Variants in TMC1 observed in about 807,000 individuals in gnomAD.
TMC1 encodes transmembrane channel like 1, also known as transmembrane channel-like protein 1.
TMC1 carries 84 observed loss-of-function variants against 105.8 expected under a neutral mutation model. The ratio of observed to expected loss-of-function variants is 0.79; its 90% CI spans 0.67 to 0.95. The LOEUF (loss-of-function observed/expected upper bound fraction) is 0.95. TMC1 is among the 40% of genes least tolerant of loss of function. TMC1 has a pLI of 0.00. For missense variants in TMC1, 817 were observed against 914.1 expected, an observed-to-expected ratio of 0.89 and a Z score of 1.37; for synonymous variants, 315 against 311.5, an observed-to-expected ratio of 1.01 and a Z score of -0.12.
chr9:72,719,660 C>T (rs1176421539), intron 8 of TMC1, among the ~76,000 whole-genome samples: 1 of 152,222 alleles, frequency 6.6e-6, no homozygotes, highest in African/African-American at 2.4e-5. Context: ...ATGCAAGTCT[C>T]CACATTCTAT....
At chr9:72,545,269 T>C (rs1451307680) in intron 1 of TMC1, among the ~76,000 whole-genome samples, 2 of 152,016 alleles carry the variant, frequency 1.3e-5, no homozygotes, top group East Asian at 3.9e-4. Context: ...GCCCTTTGAA[T>C]GGCTGACTTC....
intron 15 of TMC1, 127 bp from the exon 16 acceptor site, chr9:72,791,758 TA>T: frequency 1.2e-6 from 1 of 801,512 alleles, no homozygotes; most frequent in South Asian, 1.4e-5. Flanking sequence ...TAAACGTGCA[TA>T]AAATAGTCAT....
chr9:72,692,350 T>A (rs1207502705), intron 6 of TMC1, among the ~76,000 whole-genome samples: 4 of 152,082 alleles, frequency 2.6e-5, no homozygotes, highest in Non-Finnish European at 5.9e-5. Flanking sequence ...CAGAGAGGGA[T>A]TATGGTGTGA....
chr9:72,592,331 A>G (rs1031121991), intron 2 of TMC1, among the ~76,000 whole-genome samples: 7 of 152,214 alleles, frequency 4.6e-5, no homozygotes, highest in African/African-American at 1.4e-4. Flanking sequence ...AGGGAAGATC[A>G]TTACAGATAT....
intron 2 of TMC1, among the ~76,000 whole-genome samples, chr9:72,591,612 G>C (rs1239257761): frequency 1.3e-5 from 2 of 152,160 alleles, no homozygotes; most frequent in Non-Finnish European, 2.9e-5. Context: ...GTAGGCTAGA[G>C]TGCAGTGGTA....
intron 5 of TMC1, among the ~76,000 whole-genome samples, chr9:72,672,295 GA>G (rs1564481670): frequency 1.1e-5 from 1 of 90,160 alleles, no homozygotes; most frequent in Non-Finnish European, 2.2e-5. Context: ...TTTAAAATTT[GA>G]GTGATGTACA....
intron 2 of TMC1, among the ~76,000 whole-genome samples, chr9:72,607,286 G>T (rs181921520): frequency 6.6e-6 from 1 of 152,036 alleles, no homozygotes; most frequent in Non-Finnish European, 1.5e-5. Flanking sequence ...TGATTTCTTC[G>T]TCATAAAACA....
In TMC1 at chr9:72,820,943, C is replaced by T. The variant is rs1387585272; in HGVS notation, c.1865C>T (p.Pro622Leu). The change falls in exon 20 of 24, where the codon CCT (proline) becomes CTT (leucine). Residue 622 changes from proline (P) to leucine (L), a missense_variant. Physicochemically the swap from Pro to Leu is moderately conservative, Grantham distance 98 (BLOSUM62 -3). Transcript: ENST00000297784. The stretch of plus-strand genomic sequence containing the variant: ...TGGGCCGTTATGTGCTGCAATGTTC[C>T]TGAGGCCAGGGTCTTCAAAGCTTCC... ...QCWAVMCCNV[P>L]EARVFKASRS... is the part of the protein sequence containing the mutation. 2 of 1,614,188 alleles carry T rather than the reference C, an allele frequency of 1.2e-6. No individual in the cohort carries two copies. The highest frequency in any genetic ancestry group is 8.5e-7 in the Non-Finnish European group (1 of 1,180,036).
At chr9:72,643,047 G>A (rs780250713) in intron 4 of TMC1, among the ~76,000 whole-genome samples, 11 of 152,166 alleles carry the variant, frequency 7.2e-5, no homozygotes, top group Admixed American at 4.6e-4. Flanking sequence ...ACTTATTCAC[G>A]TTGTTATATG....
At chr9:72,763,824 G>C (rs923552770) in intron 12 of TMC1, among the ~76,000 whole-genome samples, 5 of 151,976 alleles carry the variant, frequency 3.3e-5, no homozygotes, top group Non-Finnish European at 7.4e-5. Flanking sequence ...TAACTTAAGT[G>C]GGGGGTAGGT....
intron 12 of TMC1, among the ~76,000 whole-genome samples, chr9:72,758,756 C>T (rs1479274594): frequency 6.6e-6 from 1 of 152,140 alleles, no homozygotes; most frequent in East Asian, 1.9e-4. Flanking sequence ...CCAGACGTTT[C>T]TCAGAAGACA....
intron 8 of TMC1, among the ~76,000 whole-genome samples, chr9:72,704,746 T>C (rs775109366): frequency 2.0e-5 from 3 of 152,192 alleles, no homozygotes; most frequent in Non-Finnish European, 4.4e-5. Flanking sequence ...GCCTTAAACC[T>C]ACTGAATGAT....
At chr9:72,712,835 T>G (rs1357870904) in intron 8 of TMC1, among the ~76,000 whole-genome samples, 1 of 152,208 alleles carries the variant, frequency 6.6e-6, no homozygotes, top group Non-Finnish European at 1.5e-5. Context: ...AAGACATCCT[T>G]GTCTTATGCT....
At chr9:72,602,906 T>C (rs745655687) in intron 2 of TMC1, among the ~76,000 whole-genome samples, 10 of 152,218 alleles carry the variant, frequency 6.6e-5, no homozygotes, top group Non-Finnish European at 1.3e-4. Flanking sequence ...ATAAAGAGCA[T>C]CTACTATTCA....
chr9:72,683,733 T>TATATATATA (rs1588029653), intron 5 of TMC1, among the ~76,000 whole-genome samples: 980 of 53,326 alleles, frequency 0.018, 117 homozygotes, highest in South Asian at 0.031. Context: ...GTTACACATT[T>TATATATATA]TATATATATA....
intron 1 of TMC1, among the ~76,000 whole-genome samples, chr9:72,554,458 AC>A (rs776848967): frequency 2.0e-5 from 3 of 152,046 alleles, no homozygotes; most frequent in Non-Finnish European, 2.9e-5. Context: ...AAAAGACAGA[AC>A]GCTGGAAATA....
At chr9:72,650,914 A>T (rs1044885115) in intron 5 of TMC1, among the ~76,000 whole-genome samples, 2 of 139,680 alleles carry the variant, frequency 1.4e-5, no homozygotes, top group African/African-American at 5.2e-5. Context: ...ATATATATAG[A>T]TATATATATA....
intron 1 of TMC1, among the ~76,000 whole-genome samples, chr9:72,558,269 A>G (rs747238689): frequency 2.0e-5 from 3 of 152,192 alleles, no homozygotes; most frequent in Non-Finnish European, 4.4e-5. Context: ...AAAATTCCCA[A>G]TCACTCTCCT....
intron 1 of TMC1, among the ~76,000 whole-genome samples, chr9:72,524,812 C>T (rs1269529855): frequency 6.6e-6 from 1 of 152,120 alleles, no homozygotes; most frequent in African/African-American, 2.4e-5. Flanking sequence ...CTTGATTTTA[C>T]AGGTGAGAAA....
Sources: gnomAD v4.1 joint callset for allele counts (sites outside exome capture counted in the v4.1 genomes callset) on GRCh38, gnomAD v4.1.1 for gene constraint, MANE v1.5 for transcripts, NCBI Gene and HGNC (gene_info 2026-07-23, HGNC 2026-07-21) for gene names.